The following CUX2 variants were observed in gnomAD, a reference collection of about 807,000 sequenced individuals.
The protein encoded by CUX2 is homeobox protein cut-like 2.
Under a neutral mutation model 144.8 loss-of-function variants are expected in CUX2, and 40 were observed. That is an observed-to-expected ratio of 0.28 (90% CI 0.21 to 0.36). CUX2 has a LOEUF of 0.36. Ranked by LOEUF, CUX2 falls within the 10% of genes least tolerant of loss-of-function variation. The probability of loss-of-function intolerance (pLI) is 1.00; values close to 1 mark genes in which losing one functional copy is unlikely to be tolerated. For synonymous variants in CUX2, 827 were observed against 875.6 expected (o/e 0.94, Z 0.98); for missense variants, 1,615 against 1,994.0 (o/e 0.81, Z 3.62).
chr12:111,177,931 C>G (rs1274145429), intron 1 of CUX2, among the ~76,000 whole-genome samples: 3 of 152,182 alleles, frequency 2.0e-5, no homozygotes, highest in Non-Finnish European at 4.4e-5. Context: ...AGAGAATCAC[C>G]CCATACAAAA....
rs1887558526 is a variant in CUX2, at chr12:111,322,014, G to T, written c.2767-407G>T. ...AATGAAGGCCGCCTGGACTCCAACA[G>T]AGGGGAGGGGAGGGGATGGGAGGCT... On this transcript the variant is annotated intron_variant, in intron 17 of 21. Transcript: ENST00000261726. The surrounding 1 kb of genome is among the most constrained non-coding windows in gnomAD (Gnocchi z 4.2). Among the ~76,000 whole-genome samples, 4 of 151,958 alleles carry T rather than the reference G, an allele frequency of 2.6e-5. 1 individual carries two copies. The South Asian group carries it at 8.3e-4, about 32-fold the overall frequency.
Position 111,295,283 on chromosome 12 carries a change from G to C in CUX2, c.561-50G>C. On this transcript the variant is annotated intron_variant, in intron 6 of 21. Coordinates refer to ENST00000261726, the MANE Select transcript of CUX2 (RefSeq NM_015267.4). The surrounding 1 kb of genome is among the most constrained non-coding windows in gnomAD (Gnocchi z 5.0). ...GATGGGGCTCGACTCGGGGGCCCCAGGCAAGGCCTGTCCCTGCAGCCAGCA... is the reference window on the plus strand; with the variant it reads ...GATGGGGCTCGACTCGGGGGCCCCACGCAAGGCCTGTCCCTGCAGCCAGCA... The C allele has an allele frequency of 6.3e-7, 1 of 1,590,254 alleles. No homozygotes were observed. Among genetic ancestry groups the C allele is most frequent in the Non-Finnish European group, 8.6e-7 (1 of 1,167,768 alleles).
chr12:111,288,973 A>C (rs1274545714), intron 4 of CUX2, among the ~76,000 whole-genome samples: 3 of 151,946 alleles, frequency 2.0e-5, no homozygotes, highest in African/African-American at 2.4e-5. Flanking sequence ...AAATACAAAA[A>C]TTACCCAGGC....
chr12:111,044,575 C>CT (rs1241023333), intron 1 of CUX2, among the ~76,000 whole-genome samples: 4 of 152,230 alleles, frequency 2.6e-5, no homozygotes, highest in African/African-American at 9.6e-5. Context: ...TCCTTGACTT[C>CT]TCTTTCCAAA....
chr12:111,153,599 A>G (rs1449097344), intron 1 of CUX2, among the ~76,000 whole-genome samples: 1 of 152,212 alleles, frequency 6.6e-6, no homozygotes, highest in Non-Finnish European at 1.5e-5. Flanking sequence ...GTCTTATACA[A>G]TGGAACCACC....
At chr12:111,132,310 C>A (rs113000673) in intron 1 of CUX2, among the ~76,000 whole-genome samples, 9,771 of 152,180 alleles carry the variant, frequency 0.064, 1,065 homozygotes, top group African/African-American at 0.22. Context: ...AGCATGGGGA[C>A]CCTGGACCCA....
chr12:111,199,825 C>G lies in CUX2; in HGVS notation c.64-14375C>G, dbSNP rs768688375. Among the ~76,000 whole-genome samples the G allele has an allele frequency of 4.0e-5, 6 of 150,902 alleles. No homozygotes were observed. In the South Asian group the frequency reaches 1.3e-3, roughly 32 times the overall value. On this transcript the variant is annotated intron_variant, in intron 1 of 21. Transcript: ENST00000261726. Reference sequence around the variant, plus strand: ...GTTACATGTATGGATCTCTGTGTGTCTGTGTGTATGTATGTGTCTGTGTGT... The same window carrying G: ...GTTACATGTATGGATCTCTGTGTGTGTGTGTGTATGTATGTGTCTGTGTGT...
chr12:111,211,602 A>G (rs1177738466), intron 1 of CUX2, among the ~76,000 whole-genome samples: 1 of 152,154 alleles, frequency 6.6e-6, no homozygotes, highest in African/African-American at 2.4e-5. Flanking sequence ...AGTGTCAGAC[A>G]CGGCCGGGTG....
At chr12:111,074,399 G>A (rs1871406668) in intron 1 of CUX2, among the ~76,000 whole-genome samples, 1 of 152,060 alleles carries the variant, frequency 6.6e-6, no homozygotes, top group South Asian at 2.1e-4. Flanking sequence ...TAAATTGTGA[G>A]GGCCACCCGC....
intron 4 of CUX2, among the ~76,000 whole-genome samples, chr12:111,281,147 A>G (rs1397534950): frequency 2.0e-5 from 3 of 152,138 alleles, no homozygotes; most frequent in African/African-American, 7.2e-5. Context: ...TGCCCTTAGG[A>G]TAAATCCCAA....
rs1870676891 is a variant in CUX2, at chr12:111,059,599, T to G, written c.63+25359T>G. Among the ~76,000 whole-genome samples, 1 of 151,288 alleles carries G rather than the reference T, an allele frequency of 6.6e-6. No homozygotes were observed. On this transcript the variant is annotated intron_variant, in intron 1 of 21. Transcript: ENST00000261726. The surrounding 1 kb of genome is among the most constrained non-coding windows in gnomAD (Gnocchi z 5.3). ...GGGTCAGCTTTCTGTATCCTAGAGG[T>G]GGGGAGGTGGGAGATGAAGTGGGGG... is the stretch of plus-strand genomic sequence containing the variant.
intron 14 of CUX2, 49 bp downstream of exon 14, chr12:111,308,575 T>A: frequency 6.7e-7 from 1 of 1,498,244 alleles, no homozygotes. Flanking sequence ...GGGGGCTGCC[T>A]GTGGGTCTCT....
At chr12:111,336,267 A>G (rs1379238090) in intron 19 of CUX2, among the ~76,000 whole-genome samples, 1 of 152,168 alleles carries the variant, frequency 6.6e-6, no homozygotes, top group Non-Finnish European at 1.5e-5. Context: ...CCCCCCTACC[A>G]GAGGGATGTA....
intron 19 of CUX2, among the ~76,000 whole-genome samples, 191 bp downstream of exon 19, chr12:111,334,901 T>C (rs577661036): frequency 1.3e-5 from 2 of 152,144 alleles, no homozygotes; most frequent in Non-Finnish European, 2.9e-5. Context: ...AGATCTCATA[T>C]CTTAAAAAAG....
intron 1 of CUX2, among the ~76,000 whole-genome samples, chr12:111,050,350 T>A (rs1409548906): frequency 6.6e-6 from 1 of 152,192 alleles, no homozygotes; most frequent in African/African-American, 2.4e-5. Flanking sequence ...ATCCACAACA[T>A]CACTGCCTCC....
intron 1 of CUX2, among the ~76,000 whole-genome samples, chr12:111,149,447 T>G (rs2136134172): frequency 6.6e-6 from 1 of 152,298 alleles, no homozygotes; most frequent in South Asian, 2.1e-4. Context: ...GGGTTGCCTG[T>G]ATATTGTGGG....
intron 1 of CUX2, among the ~76,000 whole-genome samples, chr12:111,063,362 A>G (rs1352083692): frequency 6.6e-6 from 1 of 152,140 alleles, no homozygotes; most frequent in South Asian, 2.1e-4. Context: ...CTGCAGTCCA[A>G]CATTGCTCCA....
At position 111,348,144 on chromosome 12, in the gene CUX2, C is replaced by A. The variant is rs1285489077; in HGVS notation, c.4280C>A (p.Ala1427Asp). The A allele has an allele frequency of 6.2e-7, 1 of 1,613,714 alleles. No individual in the cohort carries two copies. Among genetic ancestry groups the A allele is most frequent in the Admixed American group, 1.7e-5 (1 of 60,010 alleles). ...SAPISPSPPG[A>D]PPAKVPSASP... is the part of the protein sequence containing the mutation. ...CCCATCTCCCCATCCCCACCTGGCG[C>A]CCCCCCTGCCAAAGTGCCGAGTGCC... The change falls in exon 22 of 22, where the codon GCC (alanine) becomes GAC (aspartate). Residue 1427 changes from alanine (A) to aspartate (D), a missense_variant. Ala to Asp is a moderately radical substitution (Grantham distance 126). This residue lies in a region of CUX2 where 298 missense variants were observed against 330.4 expected (regional missense o/e 0.90). Coordinates refer to ENST00000261726, the MANE Select transcript of CUX2 (RefSeq NM_015267.4).
intron 1 of CUX2, among the ~76,000 whole-genome samples, chr12:111,202,534 T>C (rs1470114211): frequency 2.0e-5 from 3 of 152,162 alleles, no homozygotes; most frequent in East Asian, 1.9e-4. Context: ...ACGGGTGGGA[T>C]TGGGGACCCA....
Sources: allele counts gnomAD v4.1 joint callset (sites outside exome capture counted in the v4.1 genomes callset), GRCh38; gene constraint gnomAD v4.1.1; regional missense constraint gnomAD v4.1.1; non-coding constraint Gnocchi (gnomAD v3.1); transcripts MANE v1.5; gene names NCBI Gene and HGNC (gene_info 2026-07-23, HGNC 2026-07-21).